PHF20L1: variants seen among roughly 807,000 people sequenced by gnomAD.
PHF20L1 encodes the protein PHD finger protein 20-like protein 1.
A neutral mutation model predicts 125.5 loss-of-function variants in PHF20L1; 44 were observed. The ratio of observed to expected loss-of-function variants is 0.35; its 90% CI spans 0.28 to 0.45. The LOEUF is 0.45. PHF20L1 is among the 20% of genes least tolerant of loss of function. The probability of loss-of-function intolerance (pLI) is 1.00; values close to 1 mark genes in which losing one functional copy is unlikely to be tolerated. For synonymous variants in PHF20L1, 380 were observed against 403.1 expected, an observed-to-expected ratio of 0.94 and a Z score of 0.69; for missense variants, 1,012 against 1,217.2, an observed-to-expected ratio of 0.83 and a Z score of 2.51.
At chr8:132,821,474 A>G (rs1302576213) in intron 12 of PHF20L1, among the ~76,000 whole-genome samples, 1 of 151,908 alleles carries the variant, frequency 6.6e-6, no homozygotes, top group Admixed American at 6.6e-5. Flanking sequence ...TCTCACATCA[A>G]CTTTACATTT....
chr8:132,837,939 A>G, intron 17 of PHF20L1, 128 bp downstream of exon 17: 1 of 656,968 alleles, frequency 1.5e-6, no homozygotes, highest in East Asian at 2.8e-5. Flanking sequence ...AGGTTCTTGG[A>G]AACTGTGACT....
intron 9 of PHF20L1, among the ~76,000 whole-genome samples, chr8:132,813,621 C>CT (rs1260670138): frequency 6.6e-6 from 1 of 151,922 alleles, no homozygotes; most frequent in African/African-American, 2.4e-5. Context: ...TGCTAGCAGT[C>CT]TGATTCTTTA....
chr8:132,819,004 A>G (rs1358313854), intron 12 of PHF20L1: 2 of 151,920 alleles, frequency 1.3e-5, no homozygotes, highest in African/African-American at 4.8e-5. Flanking sequence ...AACAGATTAT[A>G]TATCATAAAA....
In PHF20L1 at chr8:132,794,792, C is replaced by G; in HGVS notation, c.315C>G (p.Ala105=). The G allele has an allele frequency of 6.2e-7, 1 of 1,610,850 alleles. No homozygotes were observed. Among genetic ancestry groups the G allele is most frequent in the Non-Finnish European group, 8.5e-7 (1 of 1,177,548 alleles). The part of the protein sequence containing the change: ...ARWTDCRYYP[A]KIEAINKEGT... ...GGACAGACTGTCGCTATTACCCTGC[C>G]AAGATTGAAGCAATTAACAAAGAAG... Residue 105 remains alanine (A), a synonymous_variant, in exon 4 of 21, where the codon GCC becomes GCG. Transcript: ENST00000395386.
intron 2 of PHF20L1, 41 bp from the exon 3 acceptor site, chr8:132,794,369 A>C: frequency 1.6e-6 from 2 of 1,283,602 alleles, no homozygotes; most frequent in African/African-American, 2.9e-5. Flanking sequence ...ATAAACAAAT[A>C]TAAGGATTTT....
rs764977282 is a variant in PHF20L1, at chr8:132,842,654, A to G, written c.2527A>G (p.Lys843Glu). Reference protein sequence around the residue: ...REEKKYVQNHKEPPRLPLKME... With the variant: ...REEKKYVQNHEEPPRLPLKME... ...AGAAAAGAAATATGTACAGAACCATAAAGAACCACCTCGTTTGCCCCTAAA... is the reference window on the plus strand; with the variant it reads ...AGAAAAGAAATATGTACAGAACCATGAAGAACCACCTCGTTTGCCCCTAAA... The change falls in exon 19 of 21, where the codon AAA becomes GAA. Residue 843 changes from lysine (K) to glutamate (E), a missense_variant. By Grantham distance (56) the Lys-to-Glu change is moderately conservative. Coordinates refer to ENST00000395386, the MANE Select transcript of PHF20L1 (RefSeq NM_016018.5). The G allele has an allele frequency of 5.6e-6, 9 of 1,613,178 alleles. No individual in the cohort carries two copies. Among genetic ancestry groups the G allele is most frequent in the South Asian group, 4.4e-5 (4 of 91,050 alleles).
At chr8:132,841,946 T>C (rs1245114750) in intron 18 of PHF20L1, 1 of 152,218 alleles carries the variant, frequency 6.6e-6, no homozygotes, top group Non-Finnish European at 1.5e-5. Context: ...TGACATGATA[T>C]GGCAAGATGC....
intron 13 of PHF20L1, chr8:132,824,344 C>T (rs1270104501): frequency 2.4e-5 from 6 of 253,964 alleles, no homozygotes; most frequent in African/African-American, 6.7e-5. Flanking sequence ...AAATAGACCT[C>T]GATTTAATAT....
chr8:132,807,715 A>G (rs1230628808), intron 8 of PHF20L1: 3 of 455,506 alleles, frequency 6.6e-6, no homozygotes, highest in Non-Finnish European at 1.3e-5. Context: ...ACTTATTCGT[A>G]TTGGCAGGAA....
At chr8:132,787,573 T>A (rs1279085699) in intron 2 of PHF20L1, among the ~76,000 whole-genome samples, 1 of 152,160 alleles carries the variant, frequency 6.6e-6, no homozygotes, top group Non-Finnish European at 1.5e-5. Flanking sequence ...TTTTAGACTA[T>A]TTTGTATTAA....
chr8:132,831,282 C>G (rs7007685), intron 14 of PHF20L1, among the ~76,000 whole-genome samples: 21,900 of 152,006 alleles, frequency 0.14, 2,240 homozygotes, highest in African/African-American at 0.29. Context: ...TCACTGTGTT[C>G]CAGCCAGTCT....
chr8:132,780,300 G>A (rs77087204), intron 2 of PHF20L1, among the ~76,000 whole-genome samples: 2,675 of 152,098 alleles, frequency 0.018, 76 homozygotes, highest in African/African-American at 0.06. Flanking sequence ...TCTGAGATTA[G>A]TGCTCTTAAC....
intron 15 of PHF20L1, among the ~76,000 whole-genome samples, chr8:132,834,822 T>C (rs1837161218): frequency 1.3e-5 from 2 of 152,080 alleles, no homozygotes; most frequent in South Asian, 4.1e-4. Context: ...TCTAGTTGAT[T>C]TACTAGCTCC....
chr8:132,825,509 C>G (rs917421405), intron 14 of PHF20L1, 138 bp downstream of exon 14: 1 of 642,886 alleles, frequency 1.6e-6, no homozygotes, highest in Non-Finnish European at 2.5e-6. Context: ...TGTAGCTTTC[C>G]TTTGACATGA....
At chr8:132,803,077 T>C (rs1833275991) in intron 6 of PHF20L1, among the ~76,000 whole-genome samples, 1 of 151,866 alleles carries the variant, frequency 6.6e-6, no homozygotes, top group African/African-American at 2.4e-5. Flanking sequence ...GTAAAATGTA[T>C]TTAGCAACAA....
Position 132,817,545 on chromosome 8 carries a change from G to T in PHF20L1, c.1579G>T (p.Gly527Ter), listed in dbSNP as rs753317421. The T allele has an allele frequency of 6.2e-7, 1 of 1,602,458 alleles. No individual in the cohort carries two copies. Among genetic ancestry groups the T allele is most frequent in the Non-Finnish European group, 8.5e-7 (1 of 1,174,980 alleles). The change falls in exon 12 of 21, where the codon GGA becomes TGA. Residue 527 changes from glycine to a stop codon, truncating the protein, a stop_gained and splice_region_variant. Transcript: ENST00000395386. LOFTEE classifies it high-confidence loss of function. ...ADGRGAPAAA[G>*]ISKTEKKVKL... Reference sequence around the variant, plus strand: ...TGGAAGAGGAGCTCCAGCAGCAGCAGGTAAAAGAAAAAAAATAAAGGCTCC... The same window carrying T: ...TGGAAGAGGAGCTCCAGCAGCAGCATGTAAAAGAAAAAAAATAAAGGCTCC...
chr8:132,786,940 T>A (rs1831106508), intron 2 of PHF20L1, among the ~76,000 whole-genome samples: 1 of 152,092 alleles, frequency 6.6e-6, no homozygotes, highest in Non-Finnish European at 1.5e-5. Context: ...ATAAACAAAT[T>A]AACTATCTGT....
intron 6 of PHF20L1, chr8:132,803,598 T>C (rs1833344393): frequency 4.1e-6 from 2 of 486,428 alleles, no homozygotes; most frequent in Admixed American, 7.5e-5. Flanking sequence ...TTATTGAATA[T>C]GCTTCCTATT....
chr8:132,786,150 C>T lies in PHF20L1; in HGVS notation c.83+8239C>T, dbSNP rs372221510. ...TATTTTTAAAATCACTTTTTGTTTTCCTTAGTTCTGTAACATATCATATCC... is the reference window on the plus strand; with the variant it reads ...TATTTTTAAAATCACTTTTTGTTTTTCTTAGTTCTGTAACATATCATATCC... On this transcript the variant is annotated intron_variant, in intron 2 of 20. Transcript: ENST00000395386. 3.8e-4 allele frequency among the ~76,000 whole-genome samples: 57 copies of T among 151,970 alleles called. No homozygotes were observed. The South Asian group carries it at 6.8e-3, about 18-fold the overall frequency.
Sources: gnomAD v4.1 joint callset for allele counts (sites outside exome capture counted in the v4.1 genomes callset) on GRCh38, gnomAD v4.1.1 for gene constraint, MANE v1.5 for transcripts, NCBI Gene and HGNC (gene_info 2026-07-23, HGNC 2026-07-21) for gene names.